Variants in PHF21A observed in about 807,000 individuals in gnomAD.
PHF21A encodes BHC80a.
A neutral mutation model predicts 82.5 loss-of-function variants in PHF21A; 11 were observed. The ratio of observed to expected loss-of-function variants is 0.13; its 90% confidence interval spans 0.08 to 0.22. The LOEUF (loss-of-function observed/expected upper bound fraction) is 0.22, where lower values mean the gene tolerates loss of function less well. Ranked by LOEUF, PHF21A falls within the 10% of genes least tolerant of loss-of-function variation. PHF21A has a pLI of 1.00. For missense variants in PHF21A, 579 were observed against 837.8 expected, an observed-to-expected ratio of 0.69 and a Z score of 3.81; for synonymous variants, 297 against 302.8, an observed-to-expected ratio of 0.98 and a Z score of 0.20.
intron 10 of PHF21A, among the ~76,000 whole-genome samples, chr11:45,959,177 G>A (rs182016257): frequency 1.5e-3 from 229 of 152,206 alleles, no homozygotes; most frequent in Non-Finnish European, 2.6e-3. Flanking sequence ...CTCAACTGGT[G>A]TAGAAAAAGC....
intron 15 of PHF21A, 111 bp downstream of exon 15, chr11:45,945,729 C>T: frequency 2.3e-6 from 2 of 879,624 alleles, no homozygotes; most frequent in East Asian, 2.6e-5. Context: ...TGTTTAATTG[C>T]TGTTCCAGGG....
At chr11:45,974,819 C>T (rs1048148182) in intron 7 of PHF21A, among the ~76,000 whole-genome samples, 1 of 152,086 alleles carries the variant, frequency 6.6e-6, no homozygotes, top group African/African-American at 2.4e-5. Flanking sequence ...AGTATGATCA[C>T]CTTTAAGAGA....
chr11:45,987,308 A>G (rs1056247897), intron 6 of PHF21A, among the ~76,000 whole-genome samples: 1 of 135,924 alleles, frequency 7.4e-6, no homozygotes, highest in Non-Finnish European at 1.6e-5. Context: ...AAGACCCTAG[A>G]CGCAGTAAAT....
intron 6 of PHF21A, among the ~76,000 whole-genome samples, chr11:46,042,347 A>C (rs2096164539): frequency 6.6e-6 from 1 of 152,168 alleles, no homozygotes; most frequent in Non-Finnish European, 1.5e-5. Context: ...ACGGTAAACC[A>C]GAAGATCCTA....
intron 6 of PHF21A, among the ~76,000 whole-genome samples, chr11:46,025,995 G>T (rs2095737652): frequency 3.9e-5 from 6 of 152,190 alleles, no homozygotes; most frequent in Admixed American, 3.9e-4. Flanking sequence ...ACTTTATGCA[G>T]ATTTTGACAA....
intron 6 of PHF21A, among the ~76,000 whole-genome samples, chr11:46,024,519 G>T (rs999923096): frequency 6.6e-6 from 1 of 151,948 alleles, no homozygotes; most frequent in African/African-American, 2.4e-5. Flanking sequence ...GGACTTTTGG[G>T]CCTGGCATGG....
chr11:45,947,501 C>T (rs912826872), intron 14 of PHF21A, among the ~76,000 whole-genome samples: 1 of 152,108 alleles, frequency 6.6e-6, no homozygotes, highest in African/African-American at 2.4e-5. Flanking sequence ...AAAGACAGAT[C>T]GTACTGGTTT....
At chr11:45,934,749 C>CGTATCATT in intron 18 of PHF21A, 1 of 333,392 alleles carries the variant, frequency 3.0e-6, no homozygotes, top group Non-Finnish European at 5.9e-6. Context: ...ATCGAAGCCC[C>CGTATCATT]AAGGACAAAG....
Position 45,945,931 on chromosome 11 carries a change from G to A in PHF21A, c.1361C>T (p.Pro454Leu). 1.2e-6 allele frequency: 2 copies of A among 1,613,434 alleles called. No individual in the cohort carries two copies. The highest frequency in any genetic ancestry group is 1.7e-6 in the Non-Finnish European group (2 of 1,179,650). The stretch of plus-strand genomic sequence containing the variant: ...TGTCTTTTCATTTTCAGGGGAGTCA[G>A]GATGACTGGATTGGGGGGATGTTGG... ...LTPTSPQSSH[P>L]DSPENEKTET... is the part of the protein sequence containing the mutation. Residue 454 changes from proline to leucine, a missense_variant, in exon 15 of 19, where the codon CCT (proline) becomes CTT (leucine). Transcript: ENST00000676320.
chr11:46,091,253 G>T (rs778154144), intron 2 of PHF21A, among the ~76,000 whole-genome samples: 2 of 151,880 alleles, frequency 1.3e-5, no homozygotes, highest in Admixed American at 6.6e-5. Flanking sequence ...TTTTAAAAAG[G>T]AGTAGTCTTG....
At chr11:45,975,317 G>GAAAAC (rs1351999120) in intron 7 of PHF21A, among the ~76,000 whole-genome samples, 10 of 100,900 alleles carry the variant, frequency 9.9e-5, no homozygotes, top group Admixed American at 2.8e-4. Flanking sequence ...CTGTCTCAAA[G>GAAAAC]AAAACAAAAT....
intron 6 of PHF21A, among the ~76,000 whole-genome samples, chr11:46,016,360 T>C (rs939919013): frequency 2.6e-5 from 4 of 152,246 alleles, no homozygotes; most frequent in Admixed American, 6.5e-5. Flanking sequence ...TTAACAACTA[T>C]ACTTCGCCTC....
rs533264340 is a variant in PHF21A at position 46,105,859 on chromosome 11, AG to A, written c.-236-13637del. Among the ~76,000 whole-genome samples, 77 of 152,354 alleles carry A rather than the reference AG, an allele frequency of 5.1e-4. 1 individual carries two copies. In the South Asian group the frequency reaches 0.016, roughly 31 times the overall value. On this transcript the variant is annotated intron_variant, in intron 1 of 18. Transcript: ENST00000676320. ...TGCTTCAGATTCTGAATATCTTGAT[AG>A]GTGTATTTAAAACAAAAAACATGAC...
chr11:45,965,586 T>A lies in PHF21A; in HGVS notation c.725A>T (p.Gln242Leu). The A allele has an allele frequency of 1.9e-6, 3 of 1,564,398 alleles. No homozygotes were observed. The highest frequency in any genetic ancestry group is 2.6e-6 in the Non-Finnish European group (3 of 1,152,984). ...LPQVRPKPVA[Q>L]NNIPIAPAPP... ...TGCTGGGGCAATAGGAATGTTATTC[T>A]GGGCCACAGGCTTGGGTCGAACCTA... Residue 242 changes from glutamine (Q) to leucine (L), a missense_variant, in exon 10 of 19, where the codon CAG becomes CTG. Physicochemically the swap from Gln to Leu is moderately radical, Grantham distance 113. This residue lies in a region of PHF21A where 410 missense variants were observed against 642.1 expected (regional missense o/e 0.64). Transcript: ENST00000676320.
At chr11:46,090,700 A>G (rs1008681856) in intron 2 of PHF21A, 134 bp from the exon 3 acceptor site, 3 of 151,282 alleles carry the variant, frequency 2.0e-5, no homozygotes, top group Non-Finnish European at 2.9e-5. Flanking sequence ...CTCAGAATAC[A>G]TTATAGAAAA....
intron 1 of PHF21A, among the ~76,000 whole-genome samples, chr11:46,119,349 G>T (rs1022788324): frequency 1.3e-5 from 2 of 152,242 alleles, no homozygotes; most frequent in South Asian, 4.1e-4. Context: ...ACACATGCCC[G>T]GACCTTCACT....
intron 1 of PHF21A, among the ~76,000 whole-genome samples, chr11:46,095,698 T>C (rs1423798231): frequency 6.6e-6 from 1 of 152,078 alleles, no homozygotes; most frequent in Non-Finnish European, 1.5e-5. Flanking sequence ...TTAAATACCT[T>C]TTGTAAAATA....
intron 1 of PHF21A, among the ~76,000 whole-genome samples, chr11:46,100,437 G>A (rs1362950945): frequency 6.6e-6 from 1 of 151,920 alleles, no homozygotes; most frequent in Non-Finnish European, 1.5e-5. Flanking sequence ...ATGAATACCG[G>A]TTAAAAGAAT....
At position 45,970,927 on chromosome 11, in the gene PHF21A, C is replaced by T. The variant is rs148421329; in HGVS notation, c.612+189G>A. ...CTGAATTTAGTCCTTGGTGTCAGGA[C>T]GCTTCTGTAGTGATTTGAGCAGATA... On this transcript the variant is annotated intron_variant, in intron 8 of 18. Transcript: ENST00000676320. 1.5e-3 allele frequency: 977 copies of T among 650,214 alleles called. 8 individuals are homozygous for T. The African/African-American group carries it at 0.015, about 10-fold the overall frequency. The allele number at this position is 650,214 out of a possible 1,614,324, so 40.3% of individuals were successfully genotyped here.
Sources: gnomAD v4.1 joint callset for allele counts (sites outside exome capture counted in the v4.1 genomes callset) on GRCh38, gnomAD v4.1.1 for gene constraint, gnomAD v4.1.1 regional missense constraint, MANE v1.5 for transcripts, NCBI Gene and HGNC (gene_info 2026-07-23, HGNC 2026-07-21) for gene names.